The following ASMTL variants were observed in gnomAD, a reference collection of about 807,000 sequenced individuals.
ASMTL encodes probable bifunctional dTTP/UTP pyrophosphatase/methyltransferase protein.
ASMTL carries 57 observed loss-of-function variants against 60.3 expected under a neutral mutation model. The observed-to-expected ratio is 0.95, with a 90% CI of 0.76 to 1.18. The LOEUF is 1.18. Ranked by LOEUF, ASMTL falls within the 50% of genes most tolerant of loss-of-function variation. The pLI is 0.00. For synonymous variants in ASMTL, 419 were observed against 373.0 expected (o/e 1.12, Z -1.42); for missense variants, 981 against 852.6 (o/e 1.15, Z -1.88).
chrX:1,428,299 G>A (rs1452467746), intron 6 of ASMTL, 178 bp from the exon 7 acceptor site: 7 of 296,752 alleles, frequency 2.4e-5, no homozygotes, highest in African/African-American at 1.6e-4. Context: ...AGCCAGGCGT[G>A]GGGGCAGGCG....
intron 3 of ASMTL, among the ~76,000 whole-genome samples, chrX:1,437,366 T>C (rs112705473): frequency 2.7e-5 from 4 of 150,344 alleles, no homozygotes; most frequent in South Asian, 4.2e-4. Context: ...GGGTGGCTTA[T>C]AAACAGCAGA....
intron 3 of ASMTL, among the ~76,000 whole-genome samples, chrX:1,438,846 C>T (rs1301570272): frequency 1.3e-5 from 2 of 152,148 alleles, no homozygotes; most frequent in African/African-American, 4.8e-5. Flanking sequence ...GGGCTGATCT[C>T]GAACCCATGA....
chrX:1,432,966 CAT>C (rs2090846643), intron 5 of ASMTL, among the ~76,000 whole-genome samples: 1 of 148,050 alleles, frequency 6.8e-6, no homozygotes, highest in Admixed American at 6.7e-5. Context: ...GGCGTGGTGG[CAT>C]GCACCTGTCA....
chrX:1,404,326 A>C (rs1239668421), intron 12 of ASMTL, among the ~76,000 whole-genome samples: 2 of 148,804 alleles, frequency 1.3e-5, no homozygotes, highest in African/African-American at 5.0e-5. Flanking sequence ...ACATAGATAG[A>C]TGAATGGATG....
intron 9 of ASMTL, among the ~76,000 whole-genome samples, chrX:1,420,945 C>T (rs1369466408): frequency 6.9e-6 from 1 of 145,884 alleles, no homozygotes; most frequent in Non-Finnish European, 1.5e-5. Context: ...CCTAATCATA[C>T]CTGGCTAATC....
chrX:1,449,652 ACCC>A (rs1286020317), intron 1 of ASMTL, among the ~76,000 whole-genome samples: 2 of 133,852 alleles, frequency 1.5e-5, no homozygotes, highest in Non-Finnish European at 3.4e-5. Context: ...ACCAGTAACT[ACCC>A]CCCATCACCA....
chrX:1,425,453 C>A, intron 8 of ASMTL, 72 bp downstream of exon 8: 2 of 1,554,886 alleles, frequency 1.3e-6, no homozygotes, highest in South Asian at 1.2e-5. Context: ...TCTGCCCAGG[C>A]TCCAGGTCAC....
At chrX:1,422,453 G>GGTTATATCC (rs2149304246) in intron 8 of ASMTL, among the ~76,000 whole-genome samples, 1 of 152,178 alleles carries the variant, frequency 6.6e-6, no homozygotes, top group South Asian at 2.1e-4. Context: ...AAATCTCCTA[G>GGTTATATCC]GTTATATCCT....
rs750440145 is a variant in ASMTL, at chrX:1,412,825, C to T, written c.1552G>A (p.Ala518Thr). 11 of 1,613,818 alleles carry T rather than the reference C, an allele frequency of 6.8e-6. No individual in the cohort carries two copies. Among genetic ancestry groups the T allele is most frequent in the East Asian group, 6.7e-5 (3 of 44,892 alleles). The change falls in exon 12 of 13, where the codon GCT becomes ACT. Residue 518 changes from alanine to threonine, a missense_variant. Transcript: ENST00000381317. ...ATCCGGCACAGGACGTACAGCTCAGCGCTGGGGAGGGGGTCCCTGAAAAAG... is the reference window on the plus strand; with the variant it reads ...ATCCGGCACAGGACGTACAGCTCAGTGCTGGGGAGGGGGTCCCTGAAAAAG... The part of the protein sequence containing the change: ...GDFFRDPLPS[A>T]ELYVLCRILH...
In ASMTL at chrX:1,449,582, C is replaced by T. The variant is rs1279798043; in HGVS notation, c.93+3166G>A. Among the ~76,000 whole-genome samples the T allele has an allele frequency of 2.6e-5, 4 of 151,880 alleles. No homozygotes were observed. In the East Asian group the frequency reaches 5.8e-4, roughly 22 times the overall value. On this transcript the variant is annotated intron_variant, in intron 1 of 12. Transcript: ENST00000381317. The stretch of plus-strand genomic sequence containing the variant: ...CCCCACTGCACCATCCATAGGCAAC[C>T]AGTAACTACCCTACCATCACCAGTA...
Position 1,412,854 on chromosome X carries a change from C to G in ASMTL, c.1523G>C (p.Gly508Ala). The change falls in exon 12 of 13, where the codon GGT (glycine) becomes GCT (alanine). Residue 508 changes from glycine to alanine, a missense_variant and splice_region_variant. Gly to Ala is a moderately conservative substitution (Grantham distance 60). Coordinates refer to ENST00000381317, the MANE Select transcript of ASMTL (RefSeq NM_004192.4). ...PQAVQIHFAA[G>A]DFFRDPLPSA... Reference sequence around the variant, plus strand: ...GGGGAGGGGGTCCCTGAAAAAGTCACCTGGTTTAAAGACAAAACGAGATAC... The same window carrying G: ...GGGGAGGGGGTCCCTGAAAAAGTCAGCTGGTTTAAAGACAAAACGAGATAC... 6.2e-7 allele frequency: 1 copy of G among 1,613,862 alleles called. No homozygotes were observed. The highest frequency in any genetic ancestry group is 8.5e-7 in the Non-Finnish European group (1 of 1,179,830).
Position 1,452,770 on chromosome X carries a change from C to T in ASMTL, c.71G>A (p.Arg24His). The part of the protein sequence containing the change: ...RVVLASASPR[R>H]QEILSNAGLR... The stretch of plus-strand genomic sequence containing the variant: ...TACCGCGTTGCTGAGGATCTCCTGA[C>T]GGCGTGGGGAGGCGCTGGCCAGCAC... The change falls in exon 1 of 13, where the codon CGT (arginine) becomes CAT (histidine). Residue 24 changes from arginine to histidine, a missense_variant. Transcript: ENST00000381317. 3 of 1,595,916 alleles carry T rather than the reference C, an allele frequency of 1.9e-6. No individual in the cohort carries two copies. The highest frequency in any genetic ancestry group is 2.5e-6 in the Non-Finnish European group (3 of 1,176,942).
upstream of ASMTL, among the ~76,000 whole-genome samples, chrX:1,453,309 GCT>G (rs2091442352): frequency 6.8e-6 from 1 of 147,546 alleles, no homozygotes; most frequent in African/African-American, 2.5e-5. Flanking sequence ...CCGCCATTGA[GCT>G]CCCCGTGAGG....
At chrX:1,422,683 C>T (rs1163781816) in intron 8 of ASMTL, among the ~76,000 whole-genome samples, 4 of 152,120 alleles carry the variant, frequency 2.6e-5, no homozygotes, top group African/African-American at 9.7e-5. Flanking sequence ...ATGTAAGAAA[C>T]AGCCCTGTGT....
At chrX:1,453,143 G>T (rs1458594850), upstream of ASMTL, among the ~76,000 whole-genome samples, 2 of 139,112 alleles carry the variant, frequency 1.4e-5, no homozygotes, top group African/African-American at 5.3e-5. Context: ...CCCAGACCAC[G>T]CCTCCATTGC....
intron 12 of ASMTL, 24 bp downstream of exon 12, chrX:1,412,708 G>A (rs2090076734): frequency 6.2e-7 from 1 of 1,613,858 alleles, no homozygotes; most frequent in South Asian, 1.1e-5. Context: ...AACAAAAACA[G>A]CTAACCTGAC....
chrX:1,406,419 C>T (rs1377543006), intron 12 of ASMTL, among the ~76,000 whole-genome samples: 7 of 139,200 alleles, frequency 5.0e-5, no homozygotes, highest in Non-Finnish European at 7.7e-5. Context: ...TAGATGGATG[C>T]ATGGATGAGA....
At chrX:1,414,320 A>G (rs1394243942) in intron 11 of ASMTL, among the ~76,000 whole-genome samples, 1 of 152,170 alleles carries the variant, frequency 6.6e-6, no homozygotes, top group Non-Finnish European at 1.5e-5. Context: ...TGTGAGTTGC[A>G]TGAGGGGAAA....
At chrX:1,420,248 C>T (rs1478649121) in intron 9 of ASMTL, among the ~76,000 whole-genome samples, 2 of 151,492 alleles carry the variant, frequency 1.3e-5, no homozygotes, top group African/African-American at 2.4e-5. Context: ...CTCCCATCTC[C>T]GTGTCTGTCT....
Sources: gnomAD v4.1 joint callset for allele counts (sites outside exome capture counted in the v4.1 genomes callset) on GRCh38, gnomAD v4.1.1 for gene constraint, MANE v1.5 for transcripts, NCBI Gene and HGNC (gene_info 2026-07-23, HGNC 2026-07-21) for gene names.